The following GHR variants were observed in gnomAD, a reference collection of about 807,000 sequenced individuals.
GHR encodes growth hormone receptor.
Under a neutral mutation model 67.1 loss-of-function variants are expected in GHR, and 35 were observed. The ratio of observed to expected loss-of-function variants is 0.52; its 90% CI spans 0.40 to 0.69. The LOEUF (loss-of-function observed/expected upper bound fraction) is 0.69, where lower values mean the gene tolerates loss of function less well. Ranked by LOEUF, GHR falls within the 30% of genes least tolerant of loss-of-function variation. GHR has a pLI of 0.00. For missense variants in GHR, 792 were observed against 764.6 expected (o/e 1.04, Z -0.42); for synonymous variants, 272 against 269.1 (o/e 1.01, Z -0.10).
chr5:42,668,610 A>T (rs1756115603), intron 3 of GHR, among the ~76,000 whole-genome samples: 1 of 152,196 alleles, frequency 6.6e-6, no homozygotes, highest in Admixed American at 6.5e-5. Context: ...AAAAACATGC[A>T]CATAAGAGAA....
intron 3 of GHR, among the ~76,000 whole-genome samples, chr5:42,634,864 T>G (rs1373779637): frequency 6.6e-6 from 1 of 152,162 alleles, no homozygotes; most frequent in African/African-American, 2.4e-5. Context: ...CCTCTCTGCT[T>G]TCATTCTTTT....
intron 1 of GHR, among the ~76,000 whole-genome samples, chr5:42,508,608 C>T (rs1169312888): frequency 6.6e-6 from 1 of 152,326 alleles, no homozygotes; most frequent in Non-Finnish European, 1.5e-5. Context: ...GAGTCTTGCT[C>T]TGTCGCCCAG....
intron 3 of GHR, among the ~76,000 whole-genome samples, chr5:42,674,048 GCTA>G (rs1384467678): frequency 2.0e-5 from 3 of 152,066 alleles, no homozygotes; most frequent in Non-Finnish European, 2.9e-5. Flanking sequence ...CCTTCTGCCA[GCTA>G]CTAAGTTTCA....
intron 3 of GHR, among the ~76,000 whole-genome samples, chr5:42,679,543 T>G (rs1181102351): frequency 2.0e-5 from 3 of 151,832 alleles, no homozygotes; most frequent in Non-Finnish European, 2.9e-5. Context: ...GAGAATCACT[T>G]GAACCCAGGA....
Position 42,548,485 on chromosome 5 carries a change from T to C in GHR, c.-11-17379T>C, listed in dbSNP as rs79754967. ...TTGATATAAAGCCTGGAGGAAACAATACGAAAATCCAGCCTCTATTTCAGC... is the reference window on the plus strand; with the variant it reads ...TTGATATAAAGCCTGGAGGAAACAACACGAAAATCCAGCCTCTATTTCAGC... On this transcript the variant is annotated intron_variant, in intron 1 of 9. Transcript: ENST00000230882. 1.2e-4 allele frequency: 116 copies of C among 985,122 alleles called. 2 individuals are homozygous for C. In the East Asian group the frequency reaches 9.7e-3, roughly 82 times the overall value. The allele number at this position is 985,122 out of a possible 1,614,324, so 61.0% of individuals were successfully genotyped here. A position where few individuals can be genotyped will look rare whatever the true frequency, so the allele number is the denominator to read the frequency against.
intron 1 of GHR, among the ~76,000 whole-genome samples, chr5:42,478,194 A>G (rs542850879): frequency 2.0e-5 from 3 of 152,158 alleles, no homozygotes; most frequent in African/African-American, 7.2e-5. Flanking sequence ...AGATAGTTGT[A>G]GATATGCGGC....
chr5:42,561,025 C>G (rs1277715909), intron 1 of GHR, among the ~76,000 whole-genome samples: 1 of 152,120 alleles, frequency 6.6e-6, no homozygotes, highest in Non-Finnish European at 1.5e-5. Context: ...AATTTTAGGC[C>G]CTTTTATTCG....
chr5:42,661,784 G>A (rs938000054), intron 3 of GHR, among the ~76,000 whole-genome samples: 1 of 152,136 alleles, frequency 6.6e-6, no homozygotes, highest in Non-Finnish European at 1.5e-5. Context: ...TGGACTAAAT[G>A]CTCCAATTAA....
chr5:42,455,291 T>A (rs1185168565), intron 1 of GHR, among the ~76,000 whole-genome samples: 2 of 152,158 alleles, frequency 1.3e-5, no homozygotes, highest in Non-Finnish European at 2.9e-5. Context: ...ATCTGTGAAT[T>A]CTTTCCATTT....
At chr5:42,679,144 A>T (rs1179220937) in intron 3 of GHR, among the ~76,000 whole-genome samples, 1 of 140,016 alleles carries the variant, frequency 7.1e-6, no homozygotes, top group South Asian at 2.9e-4. Flanking sequence ...AATATATTAT[A>T]TATTGTATAT....
chr5:42,463,497 TAA>T (rs1163802073), intron 1 of GHR, among the ~76,000 whole-genome samples: 1 of 152,224 alleles, frequency 6.6e-6, no homozygotes, highest in Non-Finnish European at 1.5e-5. Context: ...TTTTTTGTAC[TAA>T]AATTTGCGTG....
chr5:42,551,939 TGAATG>T (rs1211927928), intron 1 of GHR, among the ~76,000 whole-genome samples: 2 of 152,170 alleles, frequency 1.3e-5, no homozygotes, highest in African/African-American at 4.8e-5. Context: ...GAGGGGAGCA[TGAATG>T]GTTTGGTACT....
chr5:42,518,233 A>G (rs1747328103), intron 1 of GHR, among the ~76,000 whole-genome samples: 1 of 151,236 alleles, frequency 6.6e-6, no homozygotes, highest in Non-Finnish European at 1.5e-5. Flanking sequence ...ACTCATACAG[A>G]GGAAAACAGA....
intron 1 of GHR, among the ~76,000 whole-genome samples, chr5:42,473,899 T>A (rs2112110862): frequency 6.8e-6 from 1 of 146,006 alleles, no homozygotes; most frequent in Admixed American, 6.9e-5. Flanking sequence ...AAGAAAAGTG[T>A]CTGTCTAGCC....
chr5:42,639,476 C>CT, intron 3 of GHR, among the ~76,000 whole-genome samples: 1 of 152,124 alleles, frequency 6.6e-6, no homozygotes, highest in South Asian at 2.1e-4. Flanking sequence ...GAAAAGCAGC[C>CT]TTTTTTCTTT....
At chr5:42,688,863 G>C in intron 3 of GHR, 27 bp from the exon 4 acceptor site, 3 of 1,610,958 alleles carry the variant, frequency 1.9e-6, no homozygotes, top group Non-Finnish European at 1.7e-6. Flanking sequence ...CTGATTTCAT[G>C]CCTTGCCTTT....
chr5:42,710,658 G>A (rs1464550919), intron 6 of GHR, among the ~76,000 whole-genome samples: 1 of 152,016 alleles, frequency 6.6e-6, no homozygotes, highest in African/African-American at 2.4e-5. Flanking sequence ...TAGGTATGTA[G>A]TTCCTTTTAA....
intron 1 of GHR, chr5:42,468,913 G>A: frequency 5.1e-6 from 3 of 590,542 alleles, no homozygotes; most frequent in South Asian, 3.3e-5. Context: ...AGCGGGCTGC[G>A]CCGAGCCAAG....
At chr5:42,620,469 A>C (rs1348741826) in intron 2 of GHR, among the ~76,000 whole-genome samples, 1 of 152,162 alleles carries the variant, frequency 6.6e-6, no homozygotes, top group Non-Finnish European at 1.5e-5. Context: ...CTAACATATC[A>C]GACATGGAAT....
Sources: gnomAD v4.1 joint callset for allele counts (sites outside exome capture counted in the v4.1 genomes callset) on GRCh38, gnomAD v4.1.1 for gene constraint, MANE v1.5 for transcripts, NCBI Gene and HGNC (gene_info 2026-07-23, HGNC 2026-07-21) for gene names.